Variants in DOK6 observed in about 807,000 individuals in gnomAD.
The protein encoded by DOK6 is docking protein 6, also known as downstream of tyrosine kinase 6.
Under a neutral mutation model 44.0 loss-of-function variants are expected in DOK6, and 22 were observed. That is an observed-to-expected ratio of 0.50 (90% confidence interval 0.36 to 0.71). The LOEUF (loss-of-function observed/expected upper bound fraction) is 0.71. Ranked by LOEUF, DOK6 falls within the 30% of genes least tolerant of loss-of-function variation. DOK6 has a pLI of 0.00. For synonymous variants in DOK6, 166 were observed against 145.5 expected (o/e 1.14, Z -1.01); for missense variants, 340 against 416.4 (o/e 0.82, Z 1.60).
intron 3 of DOK6, among the ~76,000 whole-genome samples, chr18:69,638,808 CTG>C (rs1252372008): frequency 6.6e-6 from 1 of 152,160 alleles, no homozygotes; most frequent in East Asian, 1.9e-4. Context: ...TTAATGTACA[CTG>C]TATATAATAT....
intron 2 of DOK6, among the ~76,000 whole-genome samples, chr18:69,589,871 T>C (rs572583153): frequency 3.9e-5 from 6 of 152,274 alleles, no homozygotes; most frequent in African/African-American, 1.4e-4. Context: ...CTTAAGCCCA[T>C]ATCATATACC....
chr18:69,648,252 A>G lies in DOK6; in HGVS notation c.290-29482A>G, dbSNP rs145780299. On this transcript the variant is annotated intron_variant, in intron 3 of 7. Coordinates refer to ENST00000382713, the MANE Select transcript of DOK6 (RefSeq NM_152721.6). ...TAAAAAGAAATCAATTCAAAATGTT[A>G]TTGTGCTGAATTTCAGAATATTATT... 2.9e-3 allele frequency among the ~76,000 whole-genome samples: 441 copies of G among 152,302 alleles called. 1 individual carries two copies. Among genetic ancestry groups the G allele is most frequent in the African/African-American group, 0.01 (421 of 41,560 alleles).
intron 3 of DOK6, among the ~76,000 whole-genome samples, chr18:69,675,918 G>GTTTTGTT (rs375347460): frequency 3.9e-5 from 6 of 152,060 alleles, no homozygotes; most frequent in East Asian, 1.9e-4. Flanking sequence ...AAAGAAAAAA[G>GTTTTGTT]TTTTGTTTTT....
chr18:69,622,192 C>T (rs2144639314), intron 3 of DOK6, among the ~76,000 whole-genome samples: 1 of 152,254 alleles, frequency 6.6e-6, no homozygotes, highest in South Asian at 2.1e-4. Flanking sequence ...TCCAGGCGCA[C>T]ATCTTATTAG....
Position 69,740,076 on chromosome 18 carries a change from G to T in DOK6, c.738+973G>T, listed in dbSNP as rs558032579. Reference sequence around the variant, plus strand: ...ATACTATATTTCTCTCTCCATCTGGGGTACGGTTAAAAAAGAGCCTTCCTA... The same window carrying T: ...ATACTATATTTCTCTCTCCATCTGGTGTACGGTTAAAAAAGAGCCTTCCTA... On this transcript the variant is annotated intron_variant, in intron 6 of 7. Coordinates refer to ENST00000382713, the MANE Select transcript of DOK6 (RefSeq NM_152721.6). Among the ~76,000 whole-genome samples the T allele has an allele frequency of 4.5e-4, 68 of 152,032 alleles. No homozygotes were observed. In the South Asian group the frequency reaches 0.014, roughly 30 times the overall value.
At chr18:69,414,075 A>G (rs1176270628) in intron 1 of DOK6, among the ~76,000 whole-genome samples, 16 of 152,070 alleles carry the variant, frequency 1.1e-4, no homozygotes, top group Admixed American at 9.9e-4. Context: ...GCTAGGAAAA[A>G]GTGACAACAC....
chr18:69,499,376 A>C lies in DOK6; in HGVS notation c.67-65111A>C, dbSNP rs114852505. On this transcript the variant is annotated intron_variant, in intron 1 of 7. Coordinates refer to ENST00000382713, the MANE Select transcript of DOK6 (RefSeq NM_152721.6). ...AATCAATCAATAGATGTGGACTGAA[A>C]ACAATATTCCTTACTGTGGAAAATA... Among the ~76,000 whole-genome samples, 1,111 of 152,252 alleles carry C rather than the reference A, an allele frequency of 7.3e-3. 18 individuals are homozygous for C. The highest frequency in any genetic ancestry group is 0.025 in the African/African-American group (1,050 of 41,546).
intron 1 of DOK6, among the ~76,000 whole-genome samples, chr18:69,431,079 A>G (rs914339288): frequency 2.6e-5 from 4 of 152,202 alleles, no homozygotes; most frequent in Non-Finnish European, 5.9e-5. Context: ...CCTCAGTTTA[A>G]TGAAGGACAC....
chr18:69,426,564 A>G (rs1978641385), intron 1 of DOK6, among the ~76,000 whole-genome samples: 1 of 152,172 alleles, frequency 6.6e-6, no homozygotes, highest in Admixed American at 6.5e-5. Context: ...ATATTACTAA[A>G]CATTGTAGAT....
At chr18:69,596,147 G>C (rs73455890) in intron 2 of DOK6, among the ~76,000 whole-genome samples, 32 of 152,286 alleles carry the variant, frequency 2.1e-4, no homozygotes, top group African/African-American at 7.7e-4. Flanking sequence ...ACACCTGGGA[G>C]GAGCCCATCT....
intron 1 of DOK6, among the ~76,000 whole-genome samples, chr18:69,461,438 C>A (rs1000531285): frequency 6.6e-6 from 1 of 152,168 alleles, no homozygotes; most frequent in South Asian, 2.1e-4. Context: ...TCCTGATAAA[C>A]GCCTGGCAGT....
At chr18:69,644,756 A>C (rs928567787) in intron 3 of DOK6, among the ~76,000 whole-genome samples, 6 of 152,140 alleles carry the variant, frequency 3.9e-5, no homozygotes, top group Non-Finnish European at 7.3e-5. Context: ...TACTGATGCT[A>C]ATTGCTGTGT....
chr18:69,432,863 A>G lies in DOK6; in HGVS notation c.66+31553A>G, dbSNP rs539222874. Among the ~76,000 whole-genome samples the G allele has an allele frequency of 1.4e-4, 22 of 152,374 alleles. No homozygotes were observed. In the East Asian group the frequency reaches 3.1e-3, roughly 21 times the overall value. On this transcript the variant is annotated intron_variant, in intron 1 of 7. Transcript: ENST00000382713. ...TTATTTGTGTTGTGCTTGATATAAA[A>G]TTAATGAATTAAGCTAAGGAGTTGC...
chr18:69,468,686 T>C (rs1979998196), intron 1 of DOK6, among the ~76,000 whole-genome samples: 1 of 152,248 alleles, frequency 6.6e-6, no homozygotes, highest in African/African-American at 2.4e-5. Flanking sequence ...ATACACAATG[T>C]CATATGATAT....
At chr18:69,622,203 C>A (rs532646421) in intron 3 of DOK6, among the ~76,000 whole-genome samples, 1 of 152,126 alleles carries the variant, frequency 6.6e-6, no homozygotes, top group South Asian at 2.1e-4. Flanking sequence ...ATCTTATTAG[C>A]TTATAAGCTC....
intron 4 of DOK6, among the ~76,000 whole-genome samples, chr18:69,695,628 C>T (rs1257514654): frequency 3.3e-5 from 5 of 152,250 alleles, no homozygotes; most frequent in Admixed American, 1.3e-4. Context: ...GTCATTATAA[C>T]GGAATTCGGT....
chr18:69,413,907 A>G (rs374157752), intron 1 of DOK6, among the ~76,000 whole-genome samples: 16 of 151,902 alleles, frequency 1.1e-4, no homozygotes, highest in African/African-American at 7.2e-5. Context: ...TTAAAAAACC[A>G]TAATTCAACC....
intron 1 of DOK6, among the ~76,000 whole-genome samples, chr18:69,413,258 A>G (rs868791408): frequency 2.0e-5 from 3 of 152,110 alleles, no homozygotes; most frequent in East Asian, 3.9e-4. Context: ...AAAATCATCA[A>G]TGTTTTAGAG....
At chr18:69,614,906 C>T (rs1984249223) in intron 3 of DOK6, among the ~76,000 whole-genome samples, 1 of 151,720 alleles carries the variant, frequency 6.6e-6, no homozygotes, top group Non-Finnish European at 1.5e-5. Context: ...CCTTTTGAAG[C>T]ATGTAGATTA....
Sources: allele counts gnomAD v4.1 joint callset (sites outside exome capture counted in the v4.1 genomes callset), GRCh38; gene constraint gnomAD v4.1.1; transcripts MANE v1.5; gene names NCBI Gene and HGNC (gene_info 2026-07-23, HGNC 2026-07-21).